ERG: variants seen among roughly 807,000 people sequenced by gnomAD.
The protein encoded by ERG is ETS transcription factor ERG.
Under a neutral mutation model 55.3 loss-of-function variants are expected in ERG, and 9 were observed. The ratio of observed to expected loss-of-function variants is 0.16; its 90% CI spans 0.10 to 0.28. The LOEUF (loss-of-function observed/expected upper bound fraction) is 0.28. Ranked by LOEUF, ERG falls within the 10% of genes least tolerant of loss-of-function variation. The pLI, the probability that ERG is intolerant of heterozygous loss-of-function variation, is 1.00. For synonymous variants in ERG, 223 were observed against 237.3 expected (o/e 0.94, Z 0.55); for missense variants, 434 against 631.6 (o/e 0.69, Z 3.35).
At chr21:38,496,572 G>A (rs565984504) in intron 1 of ERG, among the ~76,000 whole-genome samples, 4 of 152,264 alleles carry the variant, frequency 2.6e-5, no homozygotes, top group African/African-American at 9.6e-5. Flanking sequence ...AAATTCACCT[G>A]TAGTCATTCT....
intron 2 of ERG, among the ~76,000 whole-genome samples, chr21:38,428,853 C>T (rs76556653): frequency 6.6e-6 from 1 of 152,168 alleles, no homozygotes; most frequent in Admixed American, 6.5e-5. Flanking sequence ...ATTGCTCTCA[C>T]AGACTCCTTT....
At chr21:38,526,879 A>G (rs1216629809) in intron 2 of ERG, among the ~76,000 whole-genome samples, 1 of 152,234 alleles carries the variant, frequency 6.6e-6, no homozygotes, top group East Asian at 1.9e-4. Context: ...AATTATATTA[A>G]GAACTGAAAA....
intron 1 of ERG, among the ~76,000 whole-genome samples, chr21:38,614,343 G>T (rs1226056893): frequency 6.6e-6 from 1 of 152,094 alleles, no homozygotes; most frequent in Non-Finnish European, 1.5e-5. Flanking sequence ...ATATCTTCAG[G>T]TACAAATTAC....
chr21:38,499,445 G>C (rs533536842), upstream of ERG, among the ~76,000 whole-genome samples: 1 of 152,138 alleles, frequency 6.6e-6, no homozygotes, highest in Non-Finnish European at 1.5e-5. Context: ...GAAATTGCTT[G>C]GAAGAAACAT....
rs758395963 is a variant in ERG at position 38,498,331 on chromosome 21, T to C, written c.18+32A>G. On this transcript the variant is annotated intron_variant, in intron 1 of 9. Transcript: ENST00000288319. This position sits in a 1 kb window ranked among gnomAD's most constrained non-coding sequence, Gnocchi z 4.6. ...AAAGAAAAGAGTAACAAGAACAAGA[T>C]TTTGTCAAATTAAAAGGAACCCTTT... The C allele has an allele frequency of 6.3e-7, 1 of 1,593,100 alleles. No individual in the cohort carries two copies. The highest frequency in any genetic ancestry group is 2.2e-5 in the East Asian group (1 of 44,704).
chr21:38,429,317 T>A (rs1569091453), intron 2 of ERG, among the ~76,000 whole-genome samples: 1 of 151,796 alleles, frequency 6.6e-6, no homozygotes, highest in Non-Finnish European at 1.5e-5. Flanking sequence ...TATATGTACA[T>A]ATACACATAT....
At chr21:38,438,858 G>A (rs1451164572) in intron 2 of ERG, among the ~76,000 whole-genome samples, 3 of 152,170 alleles carry the variant, frequency 2.0e-5, no homozygotes, top group Non-Finnish European at 4.4e-5. Context: ...ACCAGGCATC[G>A]GAATCCCGCA....
At chr21:38,615,740 T>C (rs948583745) in intron 1 of ERG, among the ~76,000 whole-genome samples, 1 of 151,376 alleles carries the variant, frequency 6.6e-6, no homozygotes, top group African/African-American at 2.4e-5. Flanking sequence ...TGAAAAATCA[T>C]TTGTTTGGGG....
chr21:38,493,911 G>A (rs2059358615), intron 1 of ERG, among the ~76,000 whole-genome samples: 1 of 152,228 alleles, frequency 6.6e-6, no homozygotes, highest in African/African-American at 2.4e-5. Context: ...GCTGAAGCTG[G>A]GCCGTGGGAA....
In ERG at chr21:38,445,433, T is replaced by C. The variant is rs375212594; in HGVS notation, c.207A>G (p.Glu69=). 5.6e-6 allele frequency: 9 copies of C among 1,614,182 alleles called. No individual in the cohort carries two copies. Among genetic ancestry groups the C allele is most frequent in the Non-Finnish European group, 7.6e-6 (9 of 1,180,002 alleles). ...QPPARVTIKM[E]CNPSQVNGSR... ...AGCCATTCACCTGGCTAGGGTTACA[T>C]TCCATTTTGATGGTGACCCTGGCTG... Residue 69 remains glutamate (E), a synonymous_variant, in exon 2 of 10, where the codon GAA becomes GAG. Coordinates refer to ENST00000288319, the MANE Select transcript of ERG (RefSeq NM_182918.4).
At chr21:38,418,701 C>A (rs1252801766) in intron 3 of ERG, among the ~76,000 whole-genome samples, 1 of 151,692 alleles carries the variant, frequency 6.6e-6, no homozygotes, top group African/African-American at 2.4e-5. Context: ...CCGAGGTGGG[C>A]GGATCACCTG....
intron 2 of ERG, among the ~76,000 whole-genome samples, chr21:38,526,487 C>T (rs144706470): frequency 3.9e-5 from 6 of 152,170 alleles, no homozygotes; most frequent in Admixed American, 6.5e-5. Flanking sequence ...TGATAGAGAA[C>T]GATACTCATG....
intron 1 of ERG, among the ~76,000 whole-genome samples, chr21:38,583,496 T>A (rs929210491): frequency 6.6e-6 from 1 of 152,182 alleles, no homozygotes; most frequent in African/African-American, 2.4e-5. Context: ...TCTCCCACAT[T>A]TATCTAAAAA....
chr21:38,407,267 T>C (rs181042481), intron 3 of ERG, among the ~76,000 whole-genome samples: 84 of 152,316 alleles, frequency 5.5e-4, no homozygotes. Flanking sequence ...AGAGAAGCAG[T>C]TTTGTAATGC....
rs1569051690 is a variant in ERG, at chr21:38,381,992, C to T, written c.*1411G>A. On this transcript the variant is annotated 3_prime_UTR_variant, in exon 10 of 10. Transcript: ENST00000288319. ...CATGTTTTCATTAAGCAACTTTAGT[C>T]ACTAAAAAAAGTGCAAATGCAGACT... The T allele has an allele frequency of 9.4e-7, 1 of 1,061,334 alleles. No homozygotes were observed. The highest frequency in any genetic ancestry group is 5.1e-5 in the East Asian group (1 of 19,464). The allele number at this position is 1,061,334 out of a possible 1,614,324, so 65.7% of individuals were successfully genotyped here.
In ERG at chr21:38,486,880, G is replaced by A. The variant is rs533047282; in HGVS notation, c.18+11483C>T. Among the ~76,000 whole-genome samples the A allele has an allele frequency of 1.8e-4, 28 of 152,168 alleles. No individual in the cohort carries two copies. In the South Asian group the frequency reaches 3.5e-3, roughly 19 times the overall value. On this transcript the variant is annotated intron_variant, in intron 1 of 9. Coordinates refer to ENST00000288319, the MANE Select transcript of ERG (RefSeq NM_182918.4). ...TTACATCTTTTGTACACTACAGCACGTTACTGTTCAAAGCACATACAAGTA... is the reference window on the plus strand; with the variant it reads ...TTACATCTTTTGTACACTACAGCACATTACTGTTCAAAGCACATACAAGTA...
chr21:38,543,799 C>G (rs140781661), intron 2 of ERG, among the ~76,000 whole-genome samples: 7 of 147,492 alleles, frequency 4.7e-5, no homozygotes, highest in African/African-American at 1.8e-4. Flanking sequence ...GGCAGTGGCT[C>G]GATCTCAGCT....
chr21:38,660,366 G>C (rs888970442), intron 1 of ERG, among the ~76,000 whole-genome samples: 5 of 152,208 alleles, frequency 3.3e-5, no homozygotes, highest in African/African-American at 1.2e-4. Flanking sequence ...CTGGCGAGCC[G>C]TCCCTCCCGG....
intron 1 of ERG, among the ~76,000 whole-genome samples, chr21:38,452,328 T>C (rs538121874): frequency 2.6e-4 from 39 of 152,158 alleles, no homozygotes; most frequent in African/African-American, 9.4e-4. Flanking sequence ...CATGCGCAAA[T>C]ACATATATAC....
Sources: gnomAD v4.1 joint callset for allele counts (sites outside exome capture counted in the v4.1 genomes callset) on GRCh38, gnomAD v4.1.1 for gene constraint, Gnocchi (gnomAD v3.1) non-coding constraint, MANE v1.5 for transcripts, NCBI Gene and HGNC (gene_info 2026-07-23, HGNC 2026-07-21) for gene names.